Variants in PLA2G4C observed in about 807,000 individuals in gnomAD.
PLA2G4C encodes the protein cytosolic phospholipase A2 gamma.
PLA2G4C carries 64 observed loss-of-function variants against 73.8 expected under a neutral mutation model. The ratio of observed to expected loss-of-function variants is 0.87; its 90% CI spans 0.71 to 1.07. The LOEUF (loss-of-function observed/expected upper bound fraction) is 1.07, where lower values mean the gene tolerates loss of function less well. Among genes scored for constraint, PLA2G4C ranks in the 50% least tolerant of loss-of-function variants. The pLI is 0.00. For missense variants in PLA2G4C, 622 were observed against 665.4 expected, an observed-to-expected ratio of 0.93 and a Z score of 0.72; for synonymous variants, 254 against 252.1, an observed-to-expected ratio of 1.01 and a Z score of -0.07.
intron 10 of PLA2G4C, among the ~76,000 whole-genome samples, chr19:48,082,236 A>AG (rs2030622528): frequency 6.6e-6 from 1 of 151,908 alleles, no homozygotes; most frequent in Non-Finnish European, 1.5e-5. Flanking sequence ...TCAAAAAAAA[A>AG]CAAAAAAATC....
At chr19:48,105,978 C>CTTTCTTTCT (rs1555756156) in intron 2 of PLA2G4C, among the ~76,000 whole-genome samples, 1 of 78,114 alleles carries the variant, frequency 1.3e-5, no homozygotes, top group Admixed American at 1.4e-4. Context: ...TTCTTTCTTT[C>CTTTCTTTCT]TTTCTTTCTT....
chr19:48,083,489 C>T (rs1294713949), intron 10 of PLA2G4C, among the ~76,000 whole-genome samples: 1 of 138,230 alleles, frequency 7.2e-6, no homozygotes, highest in East Asian at 2.0e-4. Context: ...CTCTTGTTGC[C>T]CAGGCTGGAG....
rs1294149305 is a variant in PLA2G4C at position 48,068,722 on chromosome 19, C to A, written c.1007-836G>T. On this transcript the variant is annotated intron_variant, in intron 12 of 16. Transcript: ENST00000599921. Reference sequence around the variant, plus strand: ...TCAGATCATTTAGATACAAGGGAGACCTTGTATCTAAAAAAAAAAAAAAAA... The same window carrying A: ...TCAGATCATTTAGATACAAGGGAGAACTTGTATCTAAAAAAAAAAAAAAAA... Among the ~76,000 whole-genome samples the A allele has an allele frequency of 6.9e-5, 10 of 144,840 alleles. No individual in the cohort carries two copies. The East Asian group carries it at 1.6e-3, about 23-fold the overall frequency.
In PLA2G4C at chr19:48,095,537, G is replaced by A. The variant is rs142281365; in HGVS notation, c.636C>T (p.Thr212=). ...CCTTCTTGAATTTGCTTCCGAAGTG[G>A]GTTATGGAAACAAAGGCCCCCAGTG... ...FSALGAFVSI[T]HFGSKFKKGR... Residue 212 remains threonine, a synonymous_variant, in exon 7 of 17, where the codon ACC becomes ACT. Coordinates refer to ENST00000599921, the MANE Select transcript of PLA2G4C (RefSeq NM_003706.3). 6.2e-7 allele frequency: 1 copy of A among 1,613,994 alleles called. No individual in the cohort carries two copies. Among genetic ancestry groups the A allele is most frequent in the East Asian group, 2.2e-5 (1 of 44,880 alleles).
intron 10 of PLA2G4C, 121 bp from the exon 11 acceptor site, chr19:48,077,945 A>G (rs563871243): frequency 1.3e-6 from 1 of 743,090 alleles, no homozygotes; most frequent in South Asian, 1.8e-5. Context: ...GAGTCTGTTG[A>G]TACGGGTTCT....
At chr19:48,088,383 A>AC (rs1568443464) in intron 9 of PLA2G4C, among the ~76,000 whole-genome samples, 2 of 151,950 alleles carry the variant, frequency 1.3e-5, no homozygotes, top group African/African-American at 4.8e-5. Context: ...AGAAAAAAAA[A>AC]ACACAGTCAA....
At chr19:48,082,147 A>G (rs920581203) in intron 10 of PLA2G4C, among the ~76,000 whole-genome samples, 1 of 152,110 alleles carries the variant, frequency 6.6e-6, no homozygotes, top group African/African-American at 2.4e-5. Flanking sequence ...TGGGTGGACT[A>G]CAGTCTCAGA....
In PLA2G4C at chr19:48,110,559, G is replaced by GCTCCGGAATCCGGTGCGGAGGCTTGGA. The variant is rs1418746267; in HGVS notation, c.-106_-105insTCCAAGCCTCCGCACCGGATTCCGGAG. 9 of 1,483,710 alleles carry GCTCCGGAATCCGGTGCGGAGGCTTGGA rather than the reference G, an allele frequency of 6.1e-6. 1 individual carries two copies. Among genetic ancestry groups the GCTCCGGAATCCGGTGCGGAGGCTTGGA allele is most frequent in the Non-Finnish European group, 8.1e-6 (9 of 1,114,388 alleles). 91.9% of individuals were successfully genotyped at this position (1,483,710 alleles called of 1,614,324 possible). A position where few individuals can be genotyped will look rare whatever the true frequency, so the allele number is the denominator to read the frequency against. ...TCCGGAATCCGGTGCGGAGGCTTGG[G>GCTCCGGAATCCGGTGCGGAGGCTTGGA]CTCCCTGCGCTTAGCGGTGTAGTCG... On this transcript the variant is annotated 5_prime_UTR_variant, in exon 1 of 17. Transcript: ENST00000599921.
At chr19:48,056,561 C>T (rs1453098958) in intron 14 of PLA2G4C, among the ~76,000 whole-genome samples, 1 of 149,174 alleles carries the variant, frequency 6.7e-6, no homozygotes, top group Non-Finnish European at 1.5e-5. Flanking sequence ...CATGGTGGCT[C>T]ATGGCTCATG....
chr19:48,081,122 G>A lies in PLA2G4C; in HGVS notation c.845-3298C>T, dbSNP rs192202907. Among the ~76,000 whole-genome samples the A allele has an allele frequency of 4.1e-4, 62 of 150,048 alleles. 1 individual carries two copies. The South Asian group carries it at 6.6e-3, about 16-fold the overall frequency. On this transcript the variant is annotated intron_variant, in intron 10 of 16. Transcript: ENST00000599921. ...GGAGCTTGCGGTGAGCCGAGATCGC[G>A]CCACTGCACTCCAGCTTGGGTGACA...
intron 10 of PLA2G4C, 124 bp downstream of exon 10, chr19:48,084,935 G>T: frequency 2.8e-6 from 2 of 709,552 alleles, no homozygotes; most frequent in East Asian, 2.5e-5. Context: ...ATAAATGTCA[G>T]GAAATGTGGT....
chr19:48,105,840 T>TCCCC (rs2032162822), intron 2 of PLA2G4C, among the ~76,000 whole-genome samples: 1 of 51,358 alleles, frequency 1.9e-5, no homozygotes, highest in African/African-American at 7.5e-5. Flanking sequence ...CCTCCCTCCC[T>TCCCC]TCCTTCCATC....
At chr19:48,092,526 T>C (rs1600233121) in intron 7 of PLA2G4C, among the ~76,000 whole-genome samples, 2 of 152,214 alleles carry the variant, frequency 1.3e-5, no homozygotes, top group South Asian at 2.1e-4. Flanking sequence ...GATGGATGAA[T>C]TGATAAGCAA....
At chr19:48,103,040 CGTT>C (rs201353294) in intron 4 of PLA2G4C, among the ~76,000 whole-genome samples, 2 of 152,106 alleles carry the variant, frequency 1.3e-5, no homozygotes, top group Admixed American at 6.6e-5. Context: ...ATAAGGCTTT[CGTT>C]GTTGTTGTTT....
At chr19:48,102,711 G>A (rs1020498360) in intron 4 of PLA2G4C, among the ~76,000 whole-genome samples, 1 of 152,128 alleles carries the variant, frequency 6.6e-6, no homozygotes, top group Non-Finnish European at 1.5e-5. Flanking sequence ...ACTCTGATGA[G>A]GCCTTTCTCC....
intron 11 of PLA2G4C, 30 bp from the exon 12 acceptor site, chr19:48,074,904 C>CACT: frequency 6.9e-7 from 1 of 1,445,664 alleles, no homozygotes; most frequent in Non-Finnish European, 9.6e-7. Flanking sequence ...TGGTCTCAGA[C>CACT]ACTGTCCAAG....
chr19:48,104,800 G>A (rs761413628), intron 3 of PLA2G4C, 76 bp from the exon 4 acceptor site: 7 of 1,477,170 alleles, frequency 4.7e-6, no homozygotes, highest in Non-Finnish European at 5.6e-6. Context: ...AGGGTACCTG[G>A]GGCCGGGCAC....
At chr19:48,055,103 A>G in intron 14 of PLA2G4C, 54 bp from the exon 15 acceptor site, 1 of 1,441,354 alleles carries the variant, frequency 6.9e-7, no homozygotes, top group East Asian at 2.4e-5. Context: ...AGACCCCTCC[A>G]GAAGACCCCT....
chr19:48,099,900 T>G (rs373749940), intron 4 of PLA2G4C, 40 bp from the exon 5 acceptor site: 22 of 1,433,022 alleles, frequency 1.5e-5, no homozygotes, highest in Non-Finnish European at 2.0e-5. Context: ...GCATTTTAAG[T>G]GTGGACGATG....
Sources: gnomAD v4.1 joint callset for allele counts (sites outside exome capture counted in the v4.1 genomes callset) on GRCh38, gnomAD v4.1.1 for gene constraint, MANE v1.5 for transcripts, NCBI Gene and HGNC (gene_info 2026-07-23, HGNC 2026-07-21) for gene names.